The following COL4A3 variants were observed in gnomAD, a reference collection of about 807,000 sequenced individuals.
COL4A3 encodes collagen type IV alpha 3 chain, also known as collagen alpha-3(IV) chain.
A neutral mutation model predicts 217.4 loss-of-function variants in COL4A3; 135 were observed. The observed-to-expected ratio is 0.62, with a 90% CI of 0.54 to 0.72. COL4A3 has a LOEUF of 0.72. Ranked by LOEUF, COL4A3 falls within the 30% of genes least tolerant of loss-of-function variation. COL4A3 has a pLI of 0.00. For missense variants in COL4A3, 1,868 were observed against 2,119.9 expected (o/e 0.88, Z 2.33); for synonymous variants, 690 against 736.3 (o/e 0.94, Z 1.02).
At position 227,309,297 on chromosome 2, in the gene COL4A3, G is replaced by C; in HGVS notation, c.4734G>C (p.Trp1578Cys). ...GTCCTCACGGCTGGATTTCTCTCTG[G>C]AAAGGATTTTCATTCATCATGGTGA... ...PPCPHGWISL[W>C]KGFSFIMFTS... The change falls in exon 50 of 52, where the codon TGG (tryptophan) becomes TGC (cysteine). Residue 1578 changes from tryptophan (W) to cysteine (C), a missense_variant. By Grantham distance (215) the Trp-to-Cys change is radical (BLOSUM62 -2). Transcript: ENST00000396578. The C allele has an allele frequency of 6.2e-7, 1 of 1,614,018 alleles. No individual in the cohort carries two copies. Among genetic ancestry groups the C allele is most frequent in the Non-Finnish European group, 8.5e-7 (1 of 1,179,948 alleles).
chr2:227,279,253 G>T (rs58977684), intron 28 of COL4A3, among the ~76,000 whole-genome samples: 8,990 of 75,902 alleles, frequency 0.12, 664 homozygotes, highest in African/African-American at 0.25. Flanking sequence ...TAGTTTTTTT[G>T]TTGTTGTTTT....
chr2:227,235,792 T>C (rs1318212827), intron 1 of COL4A3, among the ~76,000 whole-genome samples: 13 of 113,710 alleles, frequency 1.1e-4, no homozygotes, highest in Non-Finnish European at 2.5e-4. Flanking sequence ...TTTTTTTTTT[T>C]AATGGAGTTT....
intron 36 of COL4A3, among the ~76,000 whole-genome samples, 192 bp from the exon 37 acceptor site, chr2:227,290,555 G>A (rs2072630600): frequency 6.6e-6 from 1 of 152,028 alleles, no homozygotes; most frequent in South Asian, 2.1e-4. Context: ...AATACACAGT[G>A]TGCAACCAGA....
chr2:227,248,442 G>A lies in COL4A3; in HGVS notation c.469-1G>A. The A allele has an allele frequency of 6.2e-7, 1 of 1,603,508 alleles. No individual in the cohort carries two copies. Among genetic ancestry groups the A allele is most frequent in the Non-Finnish European group, 8.5e-7 (1 of 1,170,502 alleles). ...GTTTGATGAACTTCTTCATTTTCAAGGGTGCTCCTGCTAAAGAAGAAGATA... is the reference window on the plus strand; with the variant it reads ...GTTTGATGAACTTCTTCATTTTCAAAGGTGCTCCTGCTAAAGAAGAAGATA... On this transcript the variant is annotated splice_acceptor_variant, in intron 8 of 51. Coordinates refer to ENST00000396578, the MANE Select transcript of COL4A3 (RefSeq NM_000091.5). LOFTEE classifies it high-confidence loss of function.
rs775974034 is a variant in COL4A3 at position 227,290,735 on chromosome 2, C to T, written c.3071-12C>T. 1 of 1,612,186 alleles carries T rather than the reference C, an allele frequency of 6.2e-7. No homozygotes were observed. Among genetic ancestry groups the T allele is most frequent in the South Asian group, 1.1e-5 (1 of 90,934 alleles). ...TTATCTATTTTACTCTATGTTTTCC[C>T]CCTAATTTCAGGTTCTAAAGGAAAA... On this transcript the variant is annotated splice_polypyrimidine_tract_variant and intron_variant, in intron 36 of 51. Transcript: ENST00000396578.
intron 1 of COL4A3, among the ~76,000 whole-genome samples, chr2:227,210,396 G>T (rs112802210): frequency 0.065 from 9,299 of 142,568 alleles, 638 homozygotes; most frequent in East Asian, 0.18. Flanking sequence ...TTCAAGACCA[G>T]CCTGGCCAAC....
chr2:227,204,962 A>G (rs2067044832), intron 1 of COL4A3, among the ~76,000 whole-genome samples: 1 of 152,244 alleles, frequency 6.6e-6, no homozygotes, highest in Non-Finnish European at 1.5e-5. Flanking sequence ...AACAGCGGTG[A>G]TGGAAAACAG....
chr2:227,200,782 T>C (rs1177619792), intron 1 of COL4A3, among the ~76,000 whole-genome samples: 2 of 152,340 alleles, frequency 1.3e-5, no homozygotes, highest in East Asian at 3.9e-4. Context: ...TTAATTTACA[T>C]TAAAGTTTAT....
Position 227,287,288 on chromosome 2 carries a change from G to A in COL4A3, c.2882-1862G>A, listed in dbSNP as rs570640757. Among the ~76,000 whole-genome samples, 16 of 151,440 alleles carry A rather than the reference G, an allele frequency of 1.1e-4. No individual in the cohort carries two copies. The South Asian group carries it at 2.7e-3, about 26-fold the overall frequency. On this transcript the variant is annotated intron_variant, in intron 34 of 51. Transcript: ENST00000396578. ...CTCTACTAAAAATACAAAAATTAGC[G>A]GGCGTGGTGGCACACGCCTGTAATC...
Position 227,309,048 on chromosome 2 carries a change from G to A in COL4A3, c.4612G>A (p.Gly1538Ser), listed in dbSNP as rs1417837330. The change falls in exon 49 of 52, where the codon GGC (glycine) becomes AGC (serine). Residue 1538 changes from glycine (G) to serine (S), a missense_variant. By Grantham distance (56) the Gly-to-Ser change is moderately conservative. This residue lies in a region of COL4A3 where 1,503 missense variants were observed against 1,786.1 expected (regional missense o/e 0.84). Coordinates refer to ENST00000396578, the MANE Select transcript of COL4A3 (RefSeq NM_000091.5). ...GCCAATGAACATGGCTCCCATTACTGGCAGAGCCCTTGAGCCTTATATAAG... is the reference window on the plus strand; with the variant it reads ...GCCAATGAACATGGCTCCCATTACTAGCAGAGCCCTTGAGCCTTATATAAG... ...LMPMNMAPIT[G>S]RALEPYISRC... The A allele has an allele frequency of 1.2e-6, 2 of 1,614,138 alleles. No homozygotes were observed. The highest frequency in any genetic ancestry group is 1.7e-6 in the Non-Finnish European group (2 of 1,180,020).
intron 1 of COL4A3, among the ~76,000 whole-genome samples, chr2:227,193,710 G>GA (rs1157897233): frequency 2.6e-5 from 3 of 117,288 alleles, no homozygotes; most frequent in African/African-American, 6.2e-5. Flanking sequence ...GGCAAAAGAA[G>GA]AAAAAAGAAA....
Position 227,305,110 on chromosome 2 carries a change from G to A in COL4A3, c.4252+27G>A, listed in dbSNP as rs371392843. The A allele has an allele frequency of 1.1e-3, 1,696 of 1,594,138 alleles. 11 individuals carry two copies. The South Asian group carries it at 0.011, about 11-fold the overall frequency. ...TAAACCCCCAGCTTGTTTCCTCACC[G>A]AAGAAGTGCTATTTCGACATACAGA... On this transcript the variant is annotated intron_variant, in intron 47 of 51. Transcript: ENST00000396578.
chr2:227,242,702 C>A (rs1294111192), intron 3 of COL4A3, among the ~76,000 whole-genome samples: 1 of 152,132 alleles, frequency 6.6e-6, no homozygotes, highest in Non-Finnish European at 1.5e-5. Flanking sequence ...TCCCCTATCA[C>A]TCAGAATATT....
chr2:227,270,977 C>T lies in COL4A3; in HGVS notation c.1758+25C>T, dbSNP rs749353092. 5.0e-6 allele frequency: 8 copies of T among 1,611,030 alleles called. No individual in the cohort carries two copies. In the Middle Eastern group the frequency reaches 5.0e-4, roughly 100 times the overall value. ...GGTTGGTATTTAGCAACTTTACCCT[C>T]CCTATAAATGAAGTACTCTGAAGTT... is the stretch of plus-strand genomic sequence containing the variant. On this transcript the variant is annotated intron_variant, in intron 25 of 51. Coordinates refer to ENST00000396578, the MANE Select transcript of COL4A3 (RefSeq NM_000091.5).
intron 1 of COL4A3, among the ~76,000 whole-genome samples, chr2:227,212,485 A>G (rs1250195461): frequency 6.6e-6 from 1 of 152,168 alleles, no homozygotes. Flanking sequence ...TTTCTATATG[A>G]ATGACCAATG....
At chr2:227,287,722 C>G (rs2072423196) in intron 34 of COL4A3, among the ~76,000 whole-genome samples, 1 of 152,182 alleles carries the variant, frequency 6.6e-6, no homozygotes, top group Non-Finnish European at 1.5e-5. Flanking sequence ...TTCATTTGGT[C>G]TTCAAGACTG....
intron 15 of COL4A3, among the ~76,000 whole-genome samples, chr2:227,255,690 A>G (rs1449790609): frequency 6.6e-6 from 1 of 152,108 alleles, no homozygotes; most frequent in African/African-American, 2.4e-5. Flanking sequence ...TTCCTTATTT[A>G]CTTCTCTGCC....
At chr2:227,168,682 A>AT (rs1024126190) in intron 1 of COL4A3, among the ~76,000 whole-genome samples, 6 of 151,246 alleles carry the variant, frequency 4.0e-5, no homozygotes, top group African/African-American at 1.5e-4. Context: ...CCTTGTCAAA[A>AT]TTTTTTTTTC....
rs577003928 is a variant in COL4A3, at chr2:227,253,139, T to C, written c.646-157T>C. ...GAGCTCCTCCTTTAAAAGAAACATATCAATGCTCTTCTCTAAGAAATAGCT... is the reference window on the plus strand; with the variant it reads ...GAGCTCCTCCTTTAAAAGAAACATACCAATGCTCTTCTCTAAGAAATAGCT... On this transcript the variant is annotated intron_variant, in intron 11 of 51. Transcript: ENST00000396578. This position sits in a 1 kb window ranked among gnomAD's most constrained non-coding sequence, Gnocchi z 4.4. 1.3e-5 allele frequency among the ~76,000 whole-genome samples: 2 copies of C among 152,336 alleles called. No homozygotes were observed. The highest frequency in any genetic ancestry group is 1.9e-4 in the East Asian group (1 of 5,194).
Sources: gnomAD v4.1 joint callset for allele counts (sites outside exome capture counted in the v4.1 genomes callset) on GRCh38, gnomAD v4.1.1 for gene constraint, gnomAD v4.1.1 regional missense constraint, Gnocchi (gnomAD v3.1) non-coding constraint, MANE v1.5 for transcripts, NCBI Gene and HGNC (gene_info 2026-07-23, HGNC 2026-07-21) for gene names.